Variants in SLC16A7 observed in about 807,000 individuals in gnomAD.
The protein encoded by SLC16A7 is monocarboxylate transporter 2.
SLC16A7 carries 33 observed loss-of-function variants against 34.9 expected under a neutral mutation model. That is an observed-to-expected ratio of 0.94 (90% CI 0.72 to 1.26). The LOEUF is 1.26. Ranked by LOEUF, SLC16A7 falls within the 50% of genes most tolerant of loss-of-function variation. The probability of loss-of-function intolerance (pLI) is 0.00; values close to 1 mark genes in which losing one functional copy is unlikely to be tolerated. For synonymous variants in SLC16A7, 201 were observed against 206.6 expected (o/e 0.97, Z 0.23); for missense variants, 573 against 578.1 (o/e 0.99, Z 0.09).
At chr12:59,733,062 T>G (rs1877144010) in intron 3 of SLC16A7, among the ~76,000 whole-genome samples, 1 of 152,166 alleles carries the variant, frequency 6.6e-6, no homozygotes. Flanking sequence ...AAATATGAGT[T>G]GTCTTAATAC....
intron 2 of SLC16A7, among the ~76,000 whole-genome samples, chr12:59,663,378 T>C (rs2137032786): frequency 6.6e-6 from 1 of 152,078 alleles, no homozygotes; most frequent in East Asian, 1.9e-4. Context: ...AAAAAGTAGT[T>C]GATAAAGCAA....
chr12:59,775,129 T>G lies in SLC16A7; in HGVS notation c.834T>G (p.Asp278Glu), dbSNP rs778781040. 18 of 1,614,026 alleles carry G rather than the reference T, an allele frequency of 1.1e-5. No homozygotes were observed. Among genetic ancestry groups the G allele is most frequent in the Admixed American group, 5.0e-5 (3 of 59,984 alleles). ...LAPYAKDQGI[D>E]EYSAAFLLSV... ...CATATGCTAAAGACCAAGGAATTGA[T>G]GAGTACTCGGCAGCTTTTCTGCTAT... The change falls in exon 5 of 6, where the codon GAT (aspartate) becomes GAG (glutamate). Residue 278 changes from aspartate to glutamate, a missense_variant. Asp to Glu is a conservative substitution (Grantham distance 45, BLOSUM62 2). Transcript: ENST00000547379.
intron 2 of SLC16A7, among the ~76,000 whole-genome samples, chr12:59,659,130 A>G (rs1008158974): frequency 6.6e-6 from 1 of 152,092 alleles, no homozygotes; most frequent in East Asian, 1.9e-4. Context: ...GCAAGGTTCT[A>G]TAATATATGA....
chr12:59,693,692 A>T (rs1220856151), intron 2 of SLC16A7, among the ~76,000 whole-genome samples: 1 of 151,942 alleles, frequency 6.6e-6, no homozygotes, highest in Non-Finnish European at 1.5e-5. Flanking sequence ...TAGTTTTTGA[A>T]TTCCAAAGAT....
At chr12:59,624,223 T>C (rs1879822735) in intron 1 of SLC16A7, among the ~76,000 whole-genome samples, 1 of 151,734 alleles carries the variant, frequency 6.6e-6, no homozygotes, top group Non-Finnish European at 1.5e-5. Flanking sequence ...TTTTTTTTAC[T>C]CATATCTCTT....
intron 3 of SLC16A7, among the ~76,000 whole-genome samples, chr12:59,737,842 G>GGAAT (rs1394136485): frequency 1.3e-5 from 2 of 152,052 alleles, no homozygotes; most frequent in African/African-American, 4.8e-5. Context: ...CCCAACAAAT[G>GGAAT]GAATAGTTCC....
At chr12:59,748,971 G>A (rs570551020) in intron 3 of SLC16A7, among the ~76,000 whole-genome samples, 1 of 152,204 alleles carries the variant, frequency 6.6e-6, no homozygotes, top group South Asian at 2.1e-4. Flanking sequence ...CACGATAACA[G>A]GAGAAGCAGC....
intron 3 of SLC16A7, among the ~76,000 whole-genome samples, chr12:59,710,430 A>G (rs1874087768): frequency 6.6e-6 from 1 of 152,196 alleles, no homozygotes; most frequent in Non-Finnish European, 1.5e-5. Context: ...CTCTTCCAAA[A>G]CAGGGATGAA....
At chr12:59,659,811 G>T (rs1279183391) in intron 2 of SLC16A7, among the ~76,000 whole-genome samples, 1 of 152,026 alleles carries the variant, frequency 6.6e-6, no homozygotes, top group Non-Finnish European at 1.5e-5. Context: ...CTGGAAAAGG[G>T]AGAGCCCAGA....
At chr12:59,751,525 C>A (rs925005633) in intron 3 of SLC16A7, among the ~76,000 whole-genome samples, 3 of 152,230 alleles carry the variant, frequency 2.0e-5, no homozygotes, top group Non-Finnish European at 4.4e-5. Flanking sequence ...TGAGATCAAA[C>A]TGCAAGGCGG....
At chr12:59,750,269 T>C (rs1879364661) in intron 3 of SLC16A7, among the ~76,000 whole-genome samples, 1 of 151,798 alleles carries the variant, frequency 6.6e-6, no homozygotes, top group African/African-American at 2.4e-5. Flanking sequence ...ATCATCAGAG[T>C]GAACAGGCCA....
At chr12:59,721,684 G>T (rs1389656113) in intron 3 of SLC16A7, among the ~76,000 whole-genome samples, 1 of 151,428 alleles carries the variant, frequency 6.6e-6, no homozygotes, top group African/African-American at 2.4e-5. Flanking sequence ...AATTTTTCTT[G>T]TACCCCTCAT....
chr12:59,739,989 T>C (rs1317248655), intron 3 of SLC16A7, among the ~76,000 whole-genome samples: 1 of 151,974 alleles, frequency 6.6e-6, no homozygotes, highest in East Asian at 1.9e-4. Flanking sequence ...TCCCATTTTG[T>C]AGGTTGCCTG....
intron 3 of SLC16A7, among the ~76,000 whole-genome samples, chr12:59,770,306 A>G (rs560589200): frequency 6.6e-6 from 1 of 152,092 alleles, no homozygotes; most frequent in Non-Finnish European, 1.5e-5. Context: ...TTCAACATTC[A>G]CATCTCACAC....
At chr12:59,678,026 A>C (rs1380162961) in intron 2 of SLC16A7, among the ~76,000 whole-genome samples, 1 of 152,192 alleles carries the variant, frequency 6.6e-6, no homozygotes. Flanking sequence ...ACACCTGCCA[A>C]GGGTGAGCCA....
At chr12:59,698,431 G>A (rs1872555034) in intron 2 of SLC16A7, among the ~76,000 whole-genome samples, 1 of 151,596 alleles carries the variant, frequency 6.6e-6, no homozygotes, top group Non-Finnish European at 1.5e-5. Context: ...ATTCTAAGAA[G>A]CACATATTTC....
intron 1 of SLC16A7, among the ~76,000 whole-genome samples, chr12:59,599,479 A>T (rs913501885): frequency 1.3e-5 from 2 of 152,254 alleles, no homozygotes; most frequent in Admixed American, 1.3e-4. Flanking sequence ...TGACCTACTC[A>T]AGGTGGACCA....
At chr12:59,640,928 T>C (rs1880656299) in intron 1 of SLC16A7, among the ~76,000 whole-genome samples, 1 of 152,106 alleles carries the variant, frequency 6.6e-6, no homozygotes, top group Admixed American at 6.6e-5. Context: ...AAATGACTTA[T>C]GTGGTCAAAT....
At chr12:59,636,445 A>G (rs1489211668) in intron 1 of SLC16A7, among the ~76,000 whole-genome samples, 1 of 152,128 alleles carries the variant, frequency 6.6e-6, no homozygotes, top group Non-Finnish European at 1.5e-5. Context: ...TGACAAAAAT[A>G]GATGCACAAA....
Sources: gnomAD v4.1 joint callset for allele counts (sites outside exome capture counted in the v4.1 genomes callset) on GRCh38, gnomAD v4.1.1 for gene constraint, MANE v1.5 for transcripts, NCBI Gene and HGNC (gene_info 2026-07-23, HGNC 2026-07-21) for gene names.